CHRNA7: variants seen among roughly 807,000 people sequenced by gnomAD.
CHRNA7 encodes the protein neuronal acetylcholine receptor subunit alpha-7.
Under a neutral mutation model 48.0 loss-of-function variants are expected in CHRNA7, and 17 were observed. That is an observed-to-expected ratio of 0.35 (90% CI 0.24 to 0.53). The LOEUF is 0.53. Ranked by LOEUF, CHRNA7 falls within the 20% of genes least tolerant of loss-of-function variation. The probability of loss-of-function intolerance (pLI) is 0.92; values close to 1 mark genes in which losing one functional copy is unlikely to be tolerated. For synonymous variants in CHRNA7, 75 were observed against 242.3 expected (o/e 0.31, Z 6.41); for missense variants, 155 against 577.7 (o/e 0.27, Z 7.50).
intron 4 of CHRNA7, among the ~76,000 whole-genome samples, chr15:32,134,208 G>A (rs555380120): frequency 4.6e-5 from 7 of 151,956 alleles, no homozygotes; most frequent in African/African-American, 1.7e-4. Context: ...TCCCAGGCTA[G>A]AGTACAGTGG....
chr15:32,130,545 T>TTATA (rs548879077), intron 4 of CHRNA7, among the ~76,000 whole-genome samples: 1 of 149,846 alleles, frequency 6.7e-6, no homozygotes, highest in Non-Finnish European at 1.5e-5. Context: ...TATATATATA[T>TTATA]TATATATATA....
chr15:32,117,070 A>G (rs2050885091), intron 4 of CHRNA7, among the ~76,000 whole-genome samples: 1 of 152,144 alleles, frequency 6.6e-6, no homozygotes, highest in Non-Finnish European at 1.5e-5. Flanking sequence ...AACCCAGGAC[A>G]AGGATTCCTG....
chr15:32,131,205 C>G (rs554169955), intron 4 of CHRNA7, among the ~76,000 whole-genome samples: 1 of 152,138 alleles, frequency 6.6e-6, no homozygotes, highest in South Asian at 2.1e-4. Flanking sequence ...CTTCTTGAAT[C>G]TGTAGATGTA....
At chr15:32,134,914 G>A (rs1057363362) in intron 4 of CHRNA7, among the ~76,000 whole-genome samples, 3 of 152,222 alleles carry the variant, frequency 2.0e-5, no homozygotes, top group Admixed American at 6.5e-5. Flanking sequence ...ATCATAGAAA[G>A]CTAAATAGAT....
At chr15:32,049,066 G>A (rs1202589862) in intron 2 of CHRNA7, among the ~76,000 whole-genome samples, 1 of 147,100 alleles carries the variant, frequency 6.8e-6, no homozygotes, top group East Asian at 2.1e-4. Flanking sequence ...TTACTTCCAG[G>A]TATGTGGTCA....
intron 3 of CHRNA7, among the ~76,000 whole-genome samples, chr15:32,107,523 T>C (rs2050691048): frequency 6.6e-6 from 1 of 151,872 alleles, no homozygotes; most frequent in African/African-American, 2.4e-5. Context: ...GAGAAAAGAT[T>C]ACATGGATTC....
At chr15:32,163,188 G>T (rs1269766855) in intron 8 of CHRNA7, 38 bp from the exon 9 acceptor site, 1 of 613,082 alleles carries the variant, frequency 1.6e-6, no homozygotes, top group East Asian at 3.5e-5. Flanking sequence ...AGTGCCACAG[G>T]ATCCCCGGGT....
chr15:32,148,578 G>A (rs1415463606), intron 4 of CHRNA7, among the ~76,000 whole-genome samples: 1 of 152,188 alleles, frequency 6.6e-6, no homozygotes, highest in African/African-American at 2.4e-5. Context: ...AGGAAGGAAA[G>A]GTGTGATCTC....
chr15:32,070,172 A>G (rs2050031224), intron 2 of CHRNA7, among the ~76,000 whole-genome samples: 1 of 152,192 alleles, frequency 6.6e-6, no homozygotes, highest in Admixed American at 6.5e-5. Flanking sequence ...CCATTCCGAC[A>G]ATATAAAGAA....
At chr15:32,036,430 A>G (rs1180081079) in intron 2 of CHRNA7, among the ~76,000 whole-genome samples, 3 of 152,232 alleles carry the variant, frequency 2.0e-5, no homozygotes, top group Non-Finnish European at 4.4e-5. Context: ...TAAGGTTTCA[A>G]TCACTTGTGT....
intron 4 of CHRNA7, among the ~76,000 whole-genome samples, chr15:32,127,280 GTC>G (rs1382194208): frequency 1.3e-5 from 2 of 152,098 alleles, no homozygotes; most frequent in African/African-American, 4.8e-5. Context: ...TAACATCCAT[GTC>G]CATGTTTGTT....
intron 2 of CHRNA7, among the ~76,000 whole-genome samples, chr15:32,040,171 A>G (rs1214884858): frequency 6.6e-6 from 1 of 152,084 alleles, no homozygotes; most frequent in Non-Finnish European, 1.5e-5. Flanking sequence ...TTGTAGGCAC[A>G]TACAGTTGGG....
Position 32,030,594 on chromosome 15 carries a change from C to T in CHRNA7, c.-1C>T, listed in dbSNP as rs1198721848. 4.5e-6 allele frequency: 7 copies of T among 1,549,032 alleles called. No homozygotes were observed. Among genetic ancestry groups the T allele is most frequent in the South Asian group, 1.2e-5 (1 of 84,308 alleles). ...GGCTCGCTGCAGCTCCGGGACTCAA[C>T]ATGCGCTGCTCGCCGGGAGGCGTCT... On this transcript the variant is annotated 5_prime_UTR_variant, in exon 1 of 10. Coordinates refer to ENST00000306901, the MANE Select transcript of CHRNA7 (RefSeq NM_000746.6).
At chr15:32,147,301 C>T (rs2051509582) in intron 4 of CHRNA7, among the ~76,000 whole-genome samples, 1 of 152,256 alleles carries the variant, frequency 6.6e-6, no homozygotes, top group African/African-American at 2.4e-5. Flanking sequence ...ACTCTGCTCA[C>T]TGCCTGGGTG....
intron 2 of CHRNA7, among the ~76,000 whole-genome samples, chr15:32,048,584 C>T (rs1413061179): frequency 2.0e-5 from 3 of 151,758 alleles, no homozygotes; most frequent in Non-Finnish European, 4.4e-5. Context: ...GTCTTGCTAG[C>T]GGTCTATCAA....
intron 2 of CHRNA7, among the ~76,000 whole-genome samples, chr15:32,050,991 G>C (rs1006138075): frequency 6.6e-6 from 1 of 152,128 alleles, no homozygotes; most frequent in African/African-American, 2.4e-5. Flanking sequence ...GCTGCTGTCT[G>C]ATCGTTCCTC....
chr15:32,144,190 C>T (rs1014085385), intron 4 of CHRNA7, among the ~76,000 whole-genome samples: 30 of 152,150 alleles, frequency 2.0e-4, no homozygotes, highest in African/African-American at 7.2e-4. Context: ...CTTGGTTTGG[C>T]TGGATATGAA....
chr15:32,030,498 G>A, upstream of CHRNA7: 24 of 1,242,426 alleles, frequency 1.9e-5, no homozygotes, highest in Non-Finnish European at 2.5e-5. Context: ...AAAGGCGCGC[G>A]AGCCGAGCGG....
chr15:32,070,412 T>C (rs2050034897), intron 2 of CHRNA7, among the ~76,000 whole-genome samples: 1 of 152,116 alleles, frequency 6.6e-6, no homozygotes, highest in Non-Finnish European at 1.5e-5. Context: ...GGACTCTAAA[T>C]GTAAGAGTGG....
Sources: gnomAD v4.1 joint callset for allele counts (sites outside exome capture counted in the v4.1 genomes callset) on GRCh38, gnomAD v4.1.1 for gene constraint, MANE v1.5 for transcripts, NCBI Gene and HGNC (gene_info 2026-07-23, HGNC 2026-07-21) for gene names.